Variants in SPRED1 observed in about 807,000 individuals in gnomAD.
SPRED1 encodes the protein sprouty related EVH1 domain containing 1.
Under a neutral mutation model 52.3 loss-of-function variants are expected in SPRED1, and 18 were observed. That is an observed-to-expected ratio of 0.34 (90% confidence interval 0.24 to 0.51). The LOEUF (loss-of-function observed/expected upper bound fraction) is 0.51. Among genes scored for constraint, SPRED1 ranks in the 20% least tolerant of loss-of-function variants. SPRED1 has a pLI of 0.97. For synonymous variants in SPRED1, 155 were observed against 179.7 expected, an observed-to-expected ratio of 0.86 and a Z score of 1.10; for missense variants, 485 against 551.0, an observed-to-expected ratio of 0.88 and a Z score of 1.20.
chr15:38,292,956 A>G (rs1295228531), intron 1 of SPRED1, among the ~76,000 whole-genome samples: 5 of 152,150 alleles, frequency 3.3e-5, no homozygotes, highest in East Asian at 3.8e-4. Context: ...TGGGCACATA[A>G]CAATGAGCCA....
intron 2 of SPRED1, among the ~76,000 whole-genome samples, chr15:38,308,700 G>T (rs1397694612): frequency 2.6e-5 from 4 of 152,154 alleles, no homozygotes; most frequent in African/African-American, 4.8e-5. Flanking sequence ...TTGAGTAGTA[G>T]TCTGTGATAT....
intron 1 of SPRED1, among the ~76,000 whole-genome samples, chr15:38,259,754 A>C (rs1894168838): frequency 6.6e-6 from 1 of 152,236 alleles, no homozygotes; most frequent in Non-Finnish European, 1.5e-5. Context: ...ACTGTATATT[A>C]GTTTAAGAAG....
chr15:38,312,265 C>T (rs1175238953), intron 2 of SPRED1, among the ~76,000 whole-genome samples: 1 of 152,054 alleles, frequency 6.6e-6, no homozygotes, highest in Non-Finnish European at 1.5e-5. Context: ...ATTTCATCAA[C>T]ATTATATGAG....
chr15:38,273,149 T>G (rs192889345), intron 1 of SPRED1, among the ~76,000 whole-genome samples: 1 of 152,170 alleles, frequency 6.6e-6, no homozygotes, highest in African/African-American at 2.4e-5. Context: ...ACGATTCTTA[T>G]AGTTTGTGGT....
chr15:38,265,639 A>G (rs1894292584), intron 1 of SPRED1, among the ~76,000 whole-genome samples: 1 of 152,026 alleles, frequency 6.6e-6, no homozygotes, highest in Admixed American at 6.5e-5. Context: ...TTTAATTTTT[A>G]ATACAACTAT....
chr15:38,347,751 T>C (rs1188240133), intron 5 of SPRED1, among the ~76,000 whole-genome samples: 1 of 152,080 alleles, frequency 6.6e-6, no homozygotes, highest in Non-Finnish European at 1.5e-5. Flanking sequence ...CTATTATAAA[T>C]GGAATCCTTT....
intron 5 of SPRED1, 77 bp from the exon 6 acceptor site, chr15:38,349,344 GT>G: frequency 9.0e-7 from 1 of 1,116,340 alleles, no homozygotes; most frequent in African/African-American, 1.5e-5. Context: ...AAATTATGAG[GT>G]TTTGGAACAT....
intron 1 of SPRED1, among the ~76,000 whole-genome samples, chr15:38,259,159 G>A (rs574098547): frequency 1.5e-4 from 23 of 152,260 alleles, no homozygotes; most frequent in Non-Finnish European, 1.5e-4. Context: ...GAAACAATTG[G>A]TATATTAATA....
chr15:38,289,375 T>A (rs1894874127), intron 1 of SPRED1, among the ~76,000 whole-genome samples: 1 of 152,108 alleles, frequency 6.6e-6, no homozygotes, highest in Non-Finnish European at 1.5e-5. Flanking sequence ...TTGTCTTTTC[T>A]TACTGATTTT....
At chr15:38,317,735 A>C (rs565106709) in intron 2 of SPRED1, among the ~76,000 whole-genome samples, 1 of 151,718 alleles carries the variant, frequency 6.6e-6, no homozygotes, top group South Asian at 2.1e-4. Context: ...GCTTTTCAGG[A>C]ATGTAGATTT....
intron 4 of SPRED1, among the ~76,000 whole-genome samples, chr15:38,332,137 A>G (rs1223631184): frequency 2.0e-5 from 3 of 152,210 alleles, no homozygotes; most frequent in African/African-American, 4.8e-5. Flanking sequence ...ATCAAATTAT[A>G]CATAGCATGT....
In SPRED1 at chr15:38,353,545, T is replaced by C. The variant is rs1888542321; in HGVS notation, c.*1881T>C. The stretch of plus-strand genomic sequence containing the variant: ...AAACATGACACTGTAGGCAGCAGTT[T>C]TAAGTCTTATTTTTACTGTTTATAT... On this transcript the variant is annotated 3_prime_UTR_variant, in exon 7 of 7. Coordinates refer to ENST00000299084, the MANE Select transcript of SPRED1 (RefSeq NM_152594.3). The C allele has an allele frequency of 6.6e-6, 1 of 152,534 alleles. No individual in the cohort carries two copies. Among genetic ancestry groups the C allele is most frequent in the African/African-American group, 2.4e-5 (1 of 41,454 alleles). 9.4% of individuals were successfully genotyped at this position (152,534 alleles called of 1,614,324 possible). A position where few individuals can be genotyped will look rare whatever the true frequency, so the allele number is the denominator to read the frequency against.
chr15:38,326,173 T>TG (rs1224991314), intron 4 of SPRED1: 1 of 152,200 alleles, frequency 6.6e-6, no homozygotes, highest in African/African-American at 2.4e-5. Flanking sequence ...AGAAAGGGAA[T>TG]GTTTATTTAG....
At chr15:38,265,683 T>C (rs746993637) in intron 1 of SPRED1, among the ~76,000 whole-genome samples, 1 of 152,130 alleles carries the variant, frequency 6.6e-6, no homozygotes, top group Non-Finnish European at 1.5e-5. Context: ...CTAGAACTTA[T>C]TAAAATAATT....
At chr15:38,275,323 C>T (rs1284164397) in intron 1 of SPRED1, among the ~76,000 whole-genome samples, 1 of 152,116 alleles carries the variant, frequency 6.6e-6, no homozygotes, top group Non-Finnish European at 1.5e-5. Context: ...TTTTTCAGCA[C>T]GTCCTTTCTG....
chr15:38,297,453 C>T (rs79896452), intron 1 of SPRED1, among the ~76,000 whole-genome samples: 3,521 of 152,268 alleles, frequency 0.023, 71 homozygotes, highest in Middle Eastern at 0.072. Flanking sequence ...AATTTAATAT[C>T]TACATCAACC....
At chr15:38,296,784 G>A (rs538143283) in intron 1 of SPRED1, among the ~76,000 whole-genome samples, 2 of 152,264 alleles carry the variant, frequency 1.3e-5, no homozygotes, top group African/African-American at 4.8e-5. Context: ...TGGATTTAAT[G>A]TTTTTGCCCC....
chr15:38,297,196 T>C (rs1180998974), intron 1 of SPRED1, among the ~76,000 whole-genome samples: 2 of 152,214 alleles, frequency 1.3e-5, no homozygotes, highest in African/African-American at 4.8e-5. Flanking sequence ...ACAGAGACAG[T>C]AGTTTAGTTC....
chr15:38,347,461 CTTTTTTTTTTT>C (rs3075337), intron 5 of SPRED1, among the ~76,000 whole-genome samples: 1 of 93,224 alleles, frequency 1.1e-5, no homozygotes, highest in African/African-American at 4.1e-5. Context: ...CCGCTTGGAT[CTTTTTTTTTTT>C]TTTTTTTTTT....
Sources: gnomAD v4.1 joint callset for allele counts (sites outside exome capture counted in the v4.1 genomes callset) on GRCh38, gnomAD v4.1.1 for gene constraint, MANE v1.5 for transcripts, NCBI Gene and HGNC (gene_info 2026-07-23, HGNC 2026-07-21) for gene names.